Variants in THSD7B observed in about 807,000 individuals in gnomAD.
The protein encoded by THSD7B is thrombospondin type-1 domain-containing protein 7B.
Under a neutral mutation model 213.6 loss-of-function variants are expected in THSD7B, and 138 were observed. The observed-to-expected ratio is 0.65, with a 90% confidence interval of 0.56 to 0.74. THSD7B has a LOEUF of 0.74. Ranked by LOEUF, THSD7B falls within the 30% of genes least tolerant of loss-of-function variation. The probability of loss-of-function intolerance (pLI) is 0.00; values close to 1 mark genes in which losing one functional copy is unlikely to be tolerated. For synonymous variants in THSD7B, 742 were observed against 687.0 expected (o/e 1.08, Z -1.25); for missense variants, 1,931 against 1,991.5 (o/e 0.97, Z 0.58).
intron 12 of THSD7B, among the ~76,000 whole-genome samples, chr2:137,384,798 T>C (rs900996389): frequency 2.6e-5 from 4 of 152,006 alleles, no homozygotes; most frequent in African/African-American, 9.7e-5. Context: ...GAAACTGCTC[T>C]AGGAGGGTGT....
At chr2:137,444,160 C>G (rs1053543436) in intron 14 of THSD7B, among the ~76,000 whole-genome samples, 1 of 151,912 alleles carries the variant, frequency 6.6e-6, no homozygotes, top group Non-Finnish European at 1.5e-5. Flanking sequence ...CTCACAGAGA[C>G]CTAAACAAGG....
intron 15 of THSD7B, among the ~76,000 whole-genome samples, chr2:137,472,779 T>A (rs1210202236): frequency 6.6e-6 from 1 of 152,230 alleles, no homozygotes; most frequent in Non-Finnish European, 1.5e-5. Context: ...TCTAAAATCA[T>A]AACAATGTAC....
chr2:137,613,598 C>G (rs1183731531), intron 17 of THSD7B, among the ~76,000 whole-genome samples: 1 of 152,060 alleles, frequency 6.6e-6, no homozygotes, highest in Non-Finnish European at 1.5e-5. Flanking sequence ...GCTATATAAC[C>G]TTGATTTTTT....
intron 15 of THSD7B, among the ~76,000 whole-genome samples, chr2:137,451,857 CAT>C (rs932277999): frequency 6.6e-6 from 1 of 151,958 alleles, no homozygotes; most frequent in African/African-American, 2.4e-5. Context: ...AAGTGTGTCT[CAT>C]ATGAGTTGGT....
chr2:137,565,741 G>C (rs1380205350), intron 16 of THSD7B, among the ~76,000 whole-genome samples: 2 of 152,136 alleles, frequency 1.3e-5, no homozygotes, highest in African/African-American at 4.8e-5. Flanking sequence ...GCATCACATG[G>C]AGAGAAGGCA....
intron 1 of THSD7B, among the ~76,000 whole-genome samples, chr2:136,802,680 T>TATATAC (rs1682211567): frequency 2.2e-5 from 3 of 134,374 alleles, no homozygotes; most frequent in Non-Finnish European, 4.8e-5. Flanking sequence ...TATATATATA[T>TATATAC]ATGTAGTATT....
chr2:137,117,701 A>T (rs181573592), intron 5 of THSD7B, among the ~76,000 whole-genome samples: 35 of 152,286 alleles, frequency 2.3e-4, no homozygotes, highest in Middle Eastern at 3.4e-3. Context: ...TCTGATTCCA[A>T]GCACCTGATT....
chr2:137,174,108 C>T (rs897662562), intron 7 of THSD7B, among the ~76,000 whole-genome samples: 3 of 152,204 alleles, frequency 2.0e-5, no homozygotes, highest in African/African-American at 7.2e-5. Flanking sequence ...ATTAGATCTA[C>T]TCAGACTTGA....
At chr2:137,203,413 A>C (rs979881031) in intron 7 of THSD7B, among the ~76,000 whole-genome samples, 2 of 152,012 alleles carry the variant, frequency 1.3e-5, no homozygotes, top group Non-Finnish European at 2.9e-5. Context: ...ACCTTAGTGA[A>C]GTATACTTTT....
chr2:137,156,084 C>G (rs1457003716), intron 5 of THSD7B: 1 of 152,152 alleles, frequency 6.6e-6, no homozygotes, highest in African/African-American at 2.4e-5. Context: ...TAAATCAGCT[C>G]TGAAGCTCAC....
intron 12 of THSD7B, among the ~76,000 whole-genome samples, chr2:137,331,922 C>T (rs1311552293): frequency 2.6e-5 from 4 of 152,280 alleles, no homozygotes; most frequent in African/African-American, 4.8e-5. Flanking sequence ...GCCAAGCCCA[C>T]GCCCACCCGG....
At chr2:137,572,295 G>C (rs1377732815) in intron 16 of THSD7B, 111 bp from the exon 17 acceptor site, 2 of 1,313,290 alleles carry the variant, frequency 1.5e-6, no homozygotes, top group African/African-American at 3.0e-5. Flanking sequence ...TTTCTGTGCT[G>C]GTCTTATGTT....
chr2:137,655,760 T>G, intron 22 of THSD7B, 100 bp downstream of exon 22: 1 of 1,338,036 alleles, frequency 7.5e-7, no homozygotes, highest in Non-Finnish European at 9.9e-7. Context: ...AAATTAAAGT[T>G]TTTAAATAAC....
chr2:137,485,247 C>T (rs1432305296), intron 15 of THSD7B, among the ~76,000 whole-genome samples: 1 of 141,670 alleles, frequency 7.1e-6, no homozygotes, highest in Non-Finnish European at 1.5e-5. Context: ...TATGGCTAGC[C>T]AGTTTTCCCA....
At chr2:137,075,021 T>G (rs1687589023) in intron 3 of THSD7B, among the ~76,000 whole-genome samples, 1 of 152,216 alleles carries the variant, frequency 6.6e-6, no homozygotes, top group Non-Finnish European at 1.5e-5. Flanking sequence ...TCTTAACATT[T>G]TTTCCTTCAT....
chr2:137,053,541 A>G (rs1185725718), intron 2 of THSD7B, among the ~76,000 whole-genome samples: 1 of 151,816 alleles, frequency 6.6e-6, no homozygotes, highest in Non-Finnish European at 1.5e-5. Flanking sequence ...TAACCAAAAA[A>G]GAGATAGCTT....
intron 15 of THSD7B, among the ~76,000 whole-genome samples, chr2:137,530,066 C>A (rs1680367803): frequency 6.6e-6 from 1 of 151,978 alleles, no homozygotes; most frequent in Non-Finnish European, 1.5e-5. Flanking sequence ...CGAATTAGAA[C>A]TTGAAAGCTG....
At chr2:136,979,087 A>AT in intron 2 of THSD7B, among the ~76,000 whole-genome samples, 1 of 151,746 alleles carries the variant, frequency 6.6e-6, no homozygotes, top group African/African-American at 2.4e-5. Context: ...TGGGTTGGAA[A>AT]TTTTTTTCTT....
intron 14 of THSD7B, among the ~76,000 whole-genome samples, chr2:137,439,414 TTAAA>T (rs1687354785): frequency 6.6e-6 from 1 of 152,136 alleles, no homozygotes; most frequent in African/African-American, 2.4e-5. Context: ...GAACATAAAA[TTAAA>T]TAAATAAATT....
Sources: allele counts gnomAD v4.1 joint callset (sites outside exome capture counted in the v4.1 genomes callset), GRCh38; gene constraint gnomAD v4.1.1; transcripts MANE v1.5; gene names NCBI Gene and HGNC (gene_info 2026-07-23, HGNC 2026-07-21).